The following BCAR3 variants were observed in gnomAD, a reference collection of about 807,000 sequenced individuals.
The protein encoded by BCAR3 is breast cancer anti-estrogen resistance protein 3.
BCAR3 carries 37 observed loss-of-function variants against 80.1 expected under a neutral mutation model. The observed-to-expected ratio is 0.46, with a 90% confidence interval of 0.36 to 0.61. BCAR3 has a LOEUF of 0.61. BCAR3 is among the 20% of genes least tolerant of loss of function. BCAR3 has a pLI of 0.00. For missense variants in BCAR3, 978 were observed against 1,068.2 expected (o/e 0.92, Z 1.18); for synonymous variants, 389 against 418.9 (o/e 0.93, Z 0.87).
At chr1:93,832,932 C>T (rs1179704201) in intron 2 of BCAR3, among the ~76,000 whole-genome samples, 1 of 152,114 alleles carries the variant, frequency 6.6e-6, no homozygotes, top group Non-Finnish European at 1.5e-5. Context: ...CCTTGTATCT[C>T]CCCACCTTAA....
chr1:93,619,868 C>T lies in BCAR3; in HGVS notation c.357+22436G>A, dbSNP rs564191669. On this transcript the variant is annotated intron_variant, in intron 3 of 11. Coordinates refer to ENST00000260502, the MANE Select transcript of BCAR3 (RefSeq NM_003567.4). ...ACCCTGGAGGTAGGAGGCTAGAGAG[C>T]GAGCCAGGATGGGTTCTGGTCTTCA... Among the ~76,000 whole-genome samples the T allele has an allele frequency of 2.7e-4, 41 of 152,300 alleles. 1 individual carries two copies. The highest frequency in any genetic ancestry group is 1.4e-3 in the Admixed American group (21 of 15,306).
intron 2 of BCAR3, among the ~76,000 whole-genome samples, chr1:93,811,008 C>T (rs1048825058): frequency 6.6e-6 from 1 of 152,158 alleles, no homozygotes; most frequent in Admixed American, 6.5e-5. Context: ...TAGGGTGTCT[C>T]AGGCTCTTTG....
At chr1:93,571,364 G>T (rs150171416) in intron 9 of BCAR3, among the ~76,000 whole-genome samples, 10,368 of 152,148 alleles carry the variant, frequency 0.068, 709 homozygotes, top group East Asian at 0.33. Context: ...GCTGGGTGTG[G>T]TGGTGCCTGC....
At chr1:93,613,578 T>C (rs987973111) in intron 3 of BCAR3, among the ~76,000 whole-genome samples, 2 of 152,178 alleles carry the variant, frequency 1.3e-5, no homozygotes, top group East Asian at 3.8e-4. Flanking sequence ...GCTACTTTAG[T>C]ATAAAATTTC....
At chr1:93,575,419 C>A (rs1402411092) in intron 8 of BCAR3, among the ~76,000 whole-genome samples, 6 of 152,160 alleles carry the variant, frequency 3.9e-5, no homozygotes, top group Non-Finnish European at 8.8e-5. Context: ...CTTTCTAATT[C>A]CTAAACATTC....
intron 1 of BCAR3, among the ~76,000 whole-genome samples, chr1:93,676,694 G>A (rs1205257658): frequency 1.3e-5 from 2 of 152,126 alleles, no homozygotes; most frequent in South Asian, 2.1e-4. Context: ...GACGTAAACC[G>A]ACTAGGATTC....
intron 3 of BCAR3, among the ~76,000 whole-genome samples, chr1:93,619,338 G>A (rs1483011976): frequency 6.6e-6 from 1 of 152,128 alleles, no homozygotes; most frequent in Non-Finnish European, 1.5e-5. Flanking sequence ...CAGAAACTAA[G>A]AACCCATTCT....
At chr1:93,808,226 G>C (rs1193968298) in intron 2 of BCAR3, among the ~76,000 whole-genome samples, 3 of 151,834 alleles carry the variant, frequency 2.0e-5, no homozygotes, top group Non-Finnish European at 2.9e-5. Flanking sequence ...AGCCCCAACA[G>C]GGCAAATGAA....
intron 2 of BCAR3, among the ~76,000 whole-genome samples, chr1:93,651,092 G>T (rs1676310363): frequency 6.6e-6 from 1 of 152,146 alleles, no homozygotes; most frequent in African/African-American, 2.4e-5. Flanking sequence ...AGAGAGAGAA[G>T]GTACTGAAGC....
chr1:93,694,026 A>G (rs1649294549), intron 3 of BCAR3, among the ~76,000 whole-genome samples: 1 of 152,210 alleles, frequency 6.6e-6, no homozygotes, highest in African/African-American at 2.4e-5. Context: ...GAGGAGATTG[A>G]GGTGCAAAGA....
chr1:93,665,643 T>TAC (rs1298314201), intron 2 of BCAR3, among the ~76,000 whole-genome samples: 3 of 152,204 alleles, frequency 2.0e-5, no homozygotes, highest in Non-Finnish European at 4.4e-5. Flanking sequence ...CCTAACTTTA[T>TAC]ACCTTTCAGG....
chr1:93,622,231 A>G (rs1306626215), intron 3 of BCAR3, among the ~76,000 whole-genome samples: 2 of 152,144 alleles, frequency 1.3e-5, no homozygotes, highest in African/African-American at 2.4e-5. Context: ...AACTTTTACC[A>G]TGGTGTCCTA....
At chr1:93,798,080 A>G (rs1200377316) in intron 2 of BCAR3, among the ~76,000 whole-genome samples, 1 of 152,236 alleles carries the variant, frequency 6.6e-6, no homozygotes, top group African/African-American at 2.4e-5. Context: ...GAGGGTTTCC[A>G]GTAATAGTGT....
intron 2 of BCAR3, among the ~76,000 whole-genome samples, chr1:93,828,315 A>G (rs1168527922): frequency 6.6e-6 from 1 of 152,074 alleles, no homozygotes; most frequent in Non-Finnish European, 1.5e-5. Context: ...TTTAGAAAAT[A>G]TCATAATTCC....
chr1:93,596,817 G>A lies in BCAR3; in HGVS notation c.358-4424C>T, dbSNP rs566028869. The stretch of plus-strand genomic sequence containing the variant: ...TGAGGGGAAGGAGGTGGCAGCAGAG[G>A]AGGAGTCAGAGAGACAAAGTTGGTT... On this transcript the variant is annotated intron_variant, in intron 3 of 11. Coordinates refer to ENST00000260502, the MANE Select transcript of BCAR3 (RefSeq NM_003567.4). Among the ~76,000 whole-genome samples, 47 of 151,910 alleles carry A rather than the reference G, an allele frequency of 3.1e-4. 1 individual carries two copies. In the South Asian group the frequency reaches 9.7e-3, roughly 31 times the overall value.
chr1:93,798,454 T>C (rs988564850), intron 2 of BCAR3, among the ~76,000 whole-genome samples: 1 of 152,088 alleles, frequency 6.6e-6, no homozygotes, highest in African/African-American at 2.4e-5. Context: ...TTTTTTTTGG[T>C]AACTGGATGG....
At chr1:93,657,052 G>GT (rs1262545928) in intron 2 of BCAR3, among the ~76,000 whole-genome samples, 1 of 152,132 alleles carries the variant, frequency 6.6e-6, no homozygotes, top group Admixed American at 6.5e-5. Context: ...GATTTGCATT[G>GT]TTTCGTTACT....
At chr1:93,722,037 T>C (rs143811842) in intron 2 of BCAR3, among the ~76,000 whole-genome samples, 224 of 152,348 alleles carry the variant, frequency 1.5e-3, no homozygotes, top group African/African-American at 5.0e-3. Flanking sequence ...TCTCAGGGAC[T>C]GTCCTGAGTG....
chr1:93,578,108 C>T (rs375754031), intron 7 of BCAR3, among the ~76,000 whole-genome samples: 3 of 152,354 alleles, frequency 2.0e-5, no homozygotes, highest in African/African-American at 7.2e-5. Context: ...AGGCTTCCTT[C>T]TGCCCTCCAA....
Sources: gnomAD v4.1 joint callset for allele counts (sites outside exome capture counted in the v4.1 genomes callset) on GRCh38, gnomAD v4.1.1 for gene constraint, MANE v1.5 for transcripts, NCBI Gene and HGNC (gene_info 2026-07-23, HGNC 2026-07-21) for gene names.